Variants in PIGL observed in about 807,000 individuals in gnomAD.
PIGL encodes the protein phosphatidylinositol glycan anchor biosynthesis class L.
A neutral mutation model predicts 31.1 loss-of-function variants in PIGL; 22 were observed. The ratio of observed to expected loss-of-function variants is 0.71; its 90% CI spans 0.51 to 1.01. PIGL has a LOEUF of 1.01. Among genes scored for constraint, PIGL ranks in the 50% least tolerant of loss-of-function variants. PIGL has a pLI of 0.00. For missense variants in PIGL, 302 were observed against 315.9 expected, an observed-to-expected ratio of 0.96 and a Z score of 0.33; for synonymous variants, 131 against 117.4, an observed-to-expected ratio of 1.12 and a Z score of -0.75.
At chr17:16,312,063 C>T (rs193299806) in intron 3 of PIGL, among the ~76,000 whole-genome samples, 351 of 146,400 alleles carry the variant, frequency 2.4e-3, no homozygotes, top group Middle Eastern at 0.015. Context: ...ACCTCCCGGA[C>T]GGGGTGGCTG....
intron 2 of PIGL, among the ~76,000 whole-genome samples, chr17:16,256,006 A>G (rs1165307321): frequency 1.3e-5 from 2 of 152,194 alleles, no homozygotes; most frequent in Non-Finnish European, 2.9e-5. Context: ...CCTTCAAGTA[A>G]TATGACTAGG....
chr17:16,232,413 G>T (rs1192205415), intron 1 of PIGL, among the ~76,000 whole-genome samples: 4 of 152,172 alleles, frequency 2.6e-5, no homozygotes, highest in Non-Finnish European at 4.4e-5. Flanking sequence ...TCAGTTAAAA[G>T]CTGCTGAAAG....
intron 5 of PIGL, chr17:16,316,971 G>A: frequency 1.6e-6 from 2 of 1,271,976 alleles, no homozygotes; most frequent in Non-Finnish European, 2.0e-6. Context: ...TTCACAGGGT[G>A]GATGTTTTAC....
At chr17:16,313,683 C>T in intron 4 of PIGL, 69 bp downstream of exon 4, 1 of 1,229,524 alleles carries the variant, frequency 8.1e-7, no homozygotes, top group South Asian at 1.2e-5. Flanking sequence ...GGTTTAAAGT[C>T]TAAAGCACTT....
intron 2 of PIGL, among the ~76,000 whole-genome samples, chr17:16,282,539 C>T (rs2092920846): frequency 6.6e-6 from 1 of 152,144 alleles, no homozygotes; most frequent in African/African-American, 2.4e-5. Context: ...GTGTTGATTT[C>T]ACAAAATATC....
At chr17:16,235,550 G>C (rs1487661531) in intron 2 of PIGL, among the ~76,000 whole-genome samples, 3 of 148,144 alleles carry the variant, frequency 2.0e-5, no homozygotes, top group Admixed American at 1.4e-4. Flanking sequence ...GGATTCAAGC[G>C]GTTCTCCCCC....
intron 2 of PIGL, among the ~76,000 whole-genome samples, chr17:16,296,282 G>A (rs1290646808): frequency 6.6e-6 from 1 of 152,100 alleles, no homozygotes; most frequent in East Asian, 1.9e-4. Context: ...GCTTGTAGAA[G>A]TGGCCATCAA....
chr17:16,320,239 A>AG (rs2093098046), intron 6 of PIGL, among the ~76,000 whole-genome samples: 1 of 97,572 alleles, frequency 1.0e-5, no homozygotes, highest in African/African-American at 4.6e-5. Flanking sequence ...GGAAGGAAGG[A>AG]AGGAAGGAAG....
At chr17:16,316,561 A>G in intron 4 of PIGL, 120 bp from the exon 5 acceptor site, 1 of 950,970 alleles carries the variant, frequency 1.1e-6, no homozygotes. Context: ...AAAAGAAACC[A>G]CCTGGAGACT....
chr17:16,278,397 G>A (rs538036658), intron 2 of PIGL, among the ~76,000 whole-genome samples: 4 of 152,196 alleles, frequency 2.6e-5, no homozygotes, highest in South Asian at 4.1e-4. Flanking sequence ...GATCAAACCC[G>A]ATTCTTAATA....
At chr17:16,322,201 C>T (rs1005686601) in intron 6 of PIGL, among the ~76,000 whole-genome samples, 3 of 152,126 alleles carry the variant, frequency 2.0e-5, no homozygotes, top group Non-Finnish European at 4.4e-5. Flanking sequence ...TCAAGCAATT[C>T]TCCTGTCTCA....
intron 1 of PIGL, among the ~76,000 whole-genome samples, chr17:16,222,273 T>G (rs1206692022): frequency 6.6e-6 from 1 of 152,008 alleles, no homozygotes; most frequent in Admixed American, 6.6e-5. Flanking sequence ...CAAATTGGTT[T>G]TCTTTTGAGC....
chr17:16,307,370 G>T (rs372138342), intron 3 of PIGL, among the ~76,000 whole-genome samples: 1 of 152,224 alleles, frequency 6.6e-6, no homozygotes, highest in African/African-American at 2.4e-5. Flanking sequence ...CCTTGGCCTA[G>T]GTGCTAACTC....
intron 3 of PIGL, among the ~76,000 whole-genome samples, chr17:16,309,267 G>T (rs184922580): frequency 5.4e-4 from 82 of 152,304 alleles, no homozygotes; most frequent in Non-Finnish European, 9.4e-4. Flanking sequence ...ACTATAGCCT[G>T]CATGGCAGAG....
intron 1 of PIGL, among the ~76,000 whole-genome samples, chr17:16,227,642 A>G (rs1168304147): frequency 1.5e-5 from 2 of 132,994 alleles, no homozygotes; most frequent in Non-Finnish European, 1.5e-5. Context: ...GTACAATGGC[A>G]TGATCTCGGC....
At chr17:16,259,224 T>C (rs2092809469) in intron 2 of PIGL, among the ~76,000 whole-genome samples, 2 of 152,094 alleles carry the variant, frequency 1.3e-5, no homozygotes, top group Non-Finnish European at 2.9e-5. Context: ...TTTTGTTGCT[T>C]TTTTTCTTTC....
At chr17:16,297,103 G>A (rs1254190240) in intron 2 of PIGL, among the ~76,000 whole-genome samples, 4 of 152,212 alleles carry the variant, frequency 2.6e-5, no homozygotes, top group Non-Finnish European at 4.4e-5. Context: ...ATCAAAATAG[G>A]AGATAGATTG....
chr17:16,282,294 C>T (rs765417328), intron 2 of PIGL, among the ~76,000 whole-genome samples: 3 of 152,148 alleles, frequency 2.0e-5, no homozygotes, highest in Admixed American at 6.5e-5. Context: ...TCAGAGTGAA[C>T]ATGCACGAGG....
At chr17:16,223,625 A>G (rs903958564) in intron 1 of PIGL, among the ~76,000 whole-genome samples, 1 of 152,040 alleles carries the variant, frequency 6.6e-6, no homozygotes, top group Non-Finnish European at 1.5e-5. Context: ...CATGCCTGTA[A>G]TCCCAGTACT....
Sources: gnomAD v4.1 joint callset for allele counts (sites outside exome capture counted in the v4.1 genomes callset) on GRCh38, gnomAD v4.1.1 for gene constraint, MANE v1.5 for transcripts, NCBI Gene and HGNC (gene_info 2026-07-23, HGNC 2026-07-21) for gene names.